Variants in NR6A1 observed in about 807,000 individuals in gnomAD.
NR6A1 encodes retinoic acid receptor-related testis-associated receptor.
In NR6A1, 7 loss-of-function variants were observed where a neutral mutation model predicts 59.1. The observed-to-expected ratio is 0.12, with a 90% confidence interval of 0.07 to 0.22. The LOEUF (loss-of-function observed/expected upper bound fraction) is 0.22. NR6A1 is among the 10% of genes least tolerant of loss of function. NR6A1 has a pLI of 1.00. For missense variants in NR6A1, 468 were observed against 611.6 expected, an observed-to-expected ratio of 0.77 and a Z score of 2.48; for synonymous variants, 243 against 236.1, an observed-to-expected ratio of 1.03 and a Z score of -0.27.
At chr9:124,729,446 A>G (rs1301051335) in intron 2 of NR6A1, among the ~76,000 whole-genome samples, 1 of 152,176 alleles carries the variant, frequency 6.6e-6, no homozygotes, top group Non-Finnish European at 1.5e-5. Context: ...TTAGCCAGGC[A>G]TGTGGTGTGC....
At chr9:124,644,540 C>T (rs903378875) in intron 2 of NR6A1, among the ~76,000 whole-genome samples, 1 of 152,172 alleles carries the variant, frequency 6.6e-6, no homozygotes, top group Non-Finnish European at 1.5e-5. Flanking sequence ...GTGTGAGCCA[C>T]TGTGCCCAGC....
At chr9:124,528,993 T>C (rs575937198) in intron 7 of NR6A1, among the ~76,000 whole-genome samples, 3 of 152,332 alleles carry the variant, frequency 2.0e-5, no homozygotes, top group Middle Eastern at 3.4e-3. Flanking sequence ...CCTCCACGGA[T>C]ACTGGAGATG....
chr9:124,733,709 C>A (rs1226775435), intron 1 of NR6A1, among the ~76,000 whole-genome samples: 2 of 152,190 alleles, frequency 1.3e-5, no homozygotes, highest in Non-Finnish European at 2.9e-5. Context: ...AATTACAATT[C>A]ATTTAATACC....
chr9:124,760,268 C>G (rs1046478267), intron 1 of NR6A1, among the ~76,000 whole-genome samples: 3 of 151,496 alleles, frequency 2.0e-5, no homozygotes, highest in Non-Finnish European at 4.4e-5. Flanking sequence ...GCCAAGATCT[C>G]GCCACTGCAC....
Position 124,538,302 on chromosome 9 carries a change from T to G in NR6A1, c.614A>C (p.Asn205Thr). 6.2e-7 allele frequency: 1 copy of G among 1,613,978 alleles called. No homozygotes were observed. Among genetic ancestry groups the G allele is most frequent in the Non-Finnish European group, 8.5e-7 (1 of 1,179,900 alleles). The change falls in exon 6 of 10, where the codon AAT becomes ACT. Residue 205 changes from asparagine to threonine, a missense_variant. Transcript: ENST00000487099. ...CTGTTCCCTGAAGGCCATGAATCCATTCAGTTCCACAGACCTACTGGAGAG... is the reference window on the plus strand; with the variant it reads ...CTGTTCCCTGAAGGCCATGAATCCAGTCAGTTCCACAGACCTACTGGAGAG... ...TLSSSRSVELNGFMAFREQYM... is the reference protein window; with the variant it reads ...TLSSSRSVELTGFMAFREQYM...
At chr9:124,619,758 A>T (rs970617923) in intron 2 of NR6A1, among the ~76,000 whole-genome samples, 1 of 152,108 alleles carries the variant, frequency 6.6e-6, no homozygotes, top group Non-Finnish European at 1.5e-5. Flanking sequence ...TTATGATGAA[A>T]ATTCAATTCA....
At chr9:124,631,198 G>C (rs1836431067) in intron 2 of NR6A1, among the ~76,000 whole-genome samples, 1 of 152,094 alleles carries the variant, frequency 6.6e-6, no homozygotes, top group Non-Finnish European at 1.5e-5. Flanking sequence ...CCCATGACCA[G>C]CGAGAGGGAA....
intron 2 of NR6A1, among the ~76,000 whole-genome samples, chr9:124,672,984 G>A (rs1837841375): frequency 6.6e-6 from 1 of 152,148 alleles, no homozygotes; most frequent in East Asian, 1.9e-4. Flanking sequence ...GAAATGATTA[G>A]GTTGTGTTTG....
At chr9:124,722,197 T>C (rs1056173128) in intron 2 of NR6A1, among the ~76,000 whole-genome samples, 1 of 152,176 alleles carries the variant, frequency 6.6e-6, no homozygotes, top group Non-Finnish European at 1.5e-5. Context: ...GAACTAAGTA[T>C]TACCAAGTCA....
At chr9:124,750,734 T>G (rs1249924051) in intron 1 of NR6A1, among the ~76,000 whole-genome samples, 1 of 151,924 alleles carries the variant, frequency 6.6e-6, no homozygotes, top group African/African-American at 2.4e-5. Flanking sequence ...CACTCCAGCC[T>G]GGGTGACAGA....
chr9:124,765,004 C>A (rs1296501891), intron 1 of NR6A1, among the ~76,000 whole-genome samples: 2 of 152,206 alleles, frequency 1.3e-5, no homozygotes, highest in Non-Finnish European at 2.9e-5. Context: ...CTACTGCCAT[C>A]TGTGGTTTAT....
At chr9:124,569,465 T>G (rs1056161405) in intron 2 of NR6A1, among the ~76,000 whole-genome samples, 1 of 152,190 alleles carries the variant, frequency 6.6e-6, no homozygotes, top group African/African-American at 2.4e-5. Context: ...TTTCAGACTG[T>G]GATGAAGGCC....
chr9:124,612,984 T>C (rs1314941442), intron 2 of NR6A1, among the ~76,000 whole-genome samples: 2 of 152,186 alleles, frequency 1.3e-5, no homozygotes, highest in Non-Finnish European at 2.9e-5. Context: ...CTTACAGAAG[T>C]ACTTGTGCAG....
intron 1 of NR6A1, among the ~76,000 whole-genome samples, chr9:124,744,522 C>T (rs1003227448): frequency 6.6e-6 from 1 of 152,166 alleles, no homozygotes; most frequent in African/African-American, 2.4e-5. Context: ...CCTACCTTTG[C>T]GCAGTGCATG....
intron 2 of NR6A1, among the ~76,000 whole-genome samples, chr9:124,626,761 C>T (rs1338564450): frequency 6.6e-6 from 1 of 152,014 alleles, no homozygotes; most frequent in African/African-American, 2.4e-5. Context: ...TGGTGAAACC[C>T]CGTCTCTACT....
At chr9:124,548,754 T>A (rs1368313756) in intron 3 of NR6A1, among the ~76,000 whole-genome samples, 2 of 152,222 alleles carry the variant, frequency 1.3e-5, no homozygotes, top group African/African-American at 4.8e-5. Context: ...TTCCTTGACC[T>A]TTATACTTTT....
chr9:124,570,518 C>T (rs1053363528), intron 2 of NR6A1, among the ~76,000 whole-genome samples: 2 of 152,194 alleles, frequency 1.3e-5, no homozygotes, highest in Non-Finnish European at 2.9e-5. Flanking sequence ...TCTGACTTCT[C>T]AACTGTAGGT....
intron 2 of NR6A1, among the ~76,000 whole-genome samples, chr9:124,705,189 T>C (rs1356017990): frequency 6.6e-6 from 1 of 152,252 alleles, no homozygotes; most frequent in Non-Finnish European, 1.5e-5. Context: ...GTTCAATAAA[T>C]GAGTTCTGTC....
chr9:124,717,716 C>T lies in NR6A1; in HGVS notation c.142+15592G>A, dbSNP rs113653643. 8.4e-3 allele frequency among the ~76,000 whole-genome samples: 1,276 copies of T among 152,232 alleles called. 15 individuals are homozygous for T. The highest frequency in any genetic ancestry group is 0.029 in the African/African-American group (1,215 of 41,524). On this transcript the variant is annotated intron_variant, in intron 2 of 9. Transcript: ENST00000487099. ...TATGCGTTTCATTGCATGTAAGTCA[C>T]GCCTCAATTTTAAAAAGATAAGGAC...
Sources: gnomAD v4.1 joint callset for allele counts (sites outside exome capture counted in the v4.1 genomes callset) on GRCh38, gnomAD v4.1.1 for gene constraint, MANE v1.5 for transcripts, NCBI Gene and HGNC (gene_info 2026-07-23, HGNC 2026-07-21) for gene names.